The following ANKRD18B variants were observed in gnomAD, a reference collection of about 807,000 sequenced individuals.
The protein encoded by ANKRD18B is ankyrin repeat domain 18B, also known as ankyrin repeat domain-containing protein 18B.
Under a neutral mutation model 111.8 loss-of-function variants are expected in ANKRD18B, and 75 were observed. The observed-to-expected ratio is 0.67, with a 90% CI of 0.56 to 0.81. The LOEUF (loss-of-function observed/expected upper bound fraction) is 0.81, where lower values mean the gene tolerates loss of function less well. Among genes scored for constraint, ANKRD18B ranks in the 40% least tolerant of loss-of-function variants. The pLI is 0.00. For missense variants in ANKRD18B, 1,038 were observed against 1,225.5 expected (o/e 0.85, Z 2.28); for synonymous variants, 356 against 417.3 (o/e 0.85, Z 1.79).
chr9:33,538,246 C>T (rs917884898), intron 6 of ANKRD18B, among the ~76,000 whole-genome samples: 1 of 152,158 alleles, frequency 6.6e-6, no homozygotes, highest in African/African-American at 2.4e-5. Flanking sequence ...AAGATAGCTA[C>T]TGAATGCAGA....
intron 1 of ANKRD18B, among the ~76,000 whole-genome samples, chr9:33,525,170 A>G (rs1448622320): frequency 6.6e-6 from 1 of 152,148 alleles, no homozygotes; most frequent in Admixed American, 6.5e-5. Context: ...TTTTACATAA[A>G]CCGAATGAAA....
chr9:33,559,172 T>C (rs1332198317), intron 14 of ANKRD18B, among the ~76,000 whole-genome samples: 1 of 151,976 alleles, frequency 6.6e-6, no homozygotes, highest in Admixed American at 6.6e-5. Flanking sequence ...TCAGAGAAAA[T>C]AGAGGGTAAA....
intron 6 of ANKRD18B, among the ~76,000 whole-genome samples, chr9:33,538,077 C>G (rs151187957): frequency 0.044 from 6,650 of 152,178 alleles, 186 homozygotes; most frequent in South Asian, 0.068. Flanking sequence ...TCTTGTTGTT[C>G]AAGGGTCAAC....
At chr9:33,538,686 G>T (rs10971555) in intron 6 of ANKRD18B, among the ~76,000 whole-genome samples, 13,726 of 151,772 alleles carry the variant, frequency 0.09, 633 homozygotes, top group South Asian at 0.1. Context: ...CAGTGAACCG[G>T]AATGCACCAC....
At chr9:33,535,840 C>A (rs1828193299) in intron 5 of ANKRD18B, among the ~76,000 whole-genome samples, 1 of 144,038 alleles carries the variant, frequency 6.9e-6, no homozygotes, top group South Asian at 2.2e-4. Flanking sequence ...ATTATATAAT[C>A]TCTTATATTA....
intron 11 of ANKRD18B, among the ~76,000 whole-genome samples, 162 bp downstream of exon 11, chr9:33,549,017 G>A (rs1238144823): frequency 6.6e-6 from 1 of 152,114 alleles, no homozygotes; most frequent in African/African-American, 2.4e-5. Context: ...CATGTATAGG[G>A]ACAGAAAGAT....
chr9:33,569,654 A>G (rs1009997561), intron 17 of ANKRD18B, among the ~76,000 whole-genome samples: 1 of 152,192 alleles, frequency 6.6e-6, no homozygotes, highest in Non-Finnish European at 1.5e-5. Flanking sequence ...CAACATATAG[A>G]TATTTATTAT....
At chr9:33,538,992 AG>A (rs1397126728) in intron 6 of ANKRD18B, among the ~76,000 whole-genome samples, 2 of 152,316 alleles carry the variant, frequency 1.3e-5, no homozygotes, top group East Asian at 3.9e-4. Context: ...TTTTGTCTTT[AG>A]GGTGCTCATA....
rs965142417 is a variant in ANKRD18B at position 33,555,807 on chromosome 9, G to C, written c.2317G>C (p.Glu773Gln). 2 of 1,392,568 alleles carry C rather than the reference G, an allele frequency of 1.4e-6. No homozygotes were observed. The highest frequency in any genetic ancestry group is 9.3e-7 in the Non-Finnish European group (1 of 1,070,416). 86.3% of individuals were successfully genotyped at this position (1,392,568 alleles called of 1,614,324 possible). Residue 773 changes from glutamate to glutamine, a missense_variant, in exon 13 of 19, where the codon GAA (glutamate) becomes CAA (glutamine). Glu to Gln is a conservative substitution (Grantham distance 29). This residue lies in a region of ANKRD18B where 524 missense variants were observed against 677.9 expected (regional missense o/e 0.77). Coordinates refer to ENST00000684830, the MANE Select transcript of ANKRD18B (RefSeq NM_001393611.1). ...AAGAAAGAAAAATCGTGAATTAGAA[G>C]AAGAGGCAACTGGGTATGGTTTTCA... ...QIRKKNRELE[E>Q]EATGYKKCLE...
At chr9:33,558,556 C>A (rs1828561304) in intron 14 of ANKRD18B, among the ~76,000 whole-genome samples, 1 of 152,142 alleles carries the variant, frequency 6.6e-6, no homozygotes, top group African/African-American at 2.4e-5. Flanking sequence ...CATAGTATTC[C>A]ATGATGTATA....
At chr9:33,546,731 C>T (rs964958530) in intron 10 of ANKRD18B, among the ~76,000 whole-genome samples, 8 of 152,180 alleles carry the variant, frequency 5.3e-5, no homozygotes, top group East Asian at 3.9e-4. Flanking sequence ...TTTGGTGCCA[C>T]GAAATGCTAG....
intron 14 of ANKRD18B, among the ~76,000 whole-genome samples, chr9:33,563,143 A>G (rs950182956): frequency 1.3e-4 from 20 of 152,178 alleles, no homozygotes; most frequent in Non-Finnish European, 2.2e-4. Flanking sequence ...CAATAAATTA[A>G]TCTCAACATT....
chr9:33,527,053 A>C (rs978534223), intron 1 of ANKRD18B, among the ~76,000 whole-genome samples: 3 of 152,208 alleles, frequency 2.0e-5, no homozygotes, highest in African/African-American at 7.2e-5. Flanking sequence ...GCAAGATGAG[A>C]GATTTAAAAT....
At chr9:33,535,136 A>G (rs1318067511) in intron 5 of ANKRD18B, among the ~76,000 whole-genome samples, 1 of 151,808 alleles carries the variant, frequency 6.6e-6, no homozygotes, top group African/African-American at 2.4e-5. Context: ...TGTTGTTTCC[A>G]TTGATTCACT....
At chr9:33,546,498 C>T (rs1481287824) in intron 10 of ANKRD18B, among the ~76,000 whole-genome samples, 1 of 152,114 alleles carries the variant, frequency 6.6e-6, no homozygotes, top group African/African-American at 2.4e-5. Context: ...AAAAATTTAG[C>T]ATTTGACTCT....
At chr9:33,557,129 C>T (rs1010060306) in intron 13 of ANKRD18B, among the ~76,000 whole-genome samples, 2 of 152,084 alleles carry the variant, frequency 1.3e-5, no homozygotes, top group Non-Finnish European at 2.9e-5. Flanking sequence ...ATTTTGTTGA[C>T]ATTATGTCAG....
intron 3 of ANKRD18B, among the ~76,000 whole-genome samples, chr9:33,531,632 C>T (rs563041284): frequency 1.5e-4 from 23 of 150,476 alleles, no homozygotes; most frequent in Non-Finnish European, 3.2e-4. Context: ...TAGGTAACCT[C>T]CTTCATCCTT....
At chr9:33,554,921 A>T (rs1828500128) in intron 12 of ANKRD18B, among the ~76,000 whole-genome samples, 1 of 151,446 alleles carries the variant, frequency 6.6e-6, no homozygotes, top group South Asian at 2.1e-4. Flanking sequence ...ATAACTTAGG[A>T]TTACACATGA....
At chr9:33,566,135 T>C in intron 14 of ANKRD18B, 84 bp from the exon 15 acceptor site, 1 of 1,185,480 alleles carries the variant, frequency 8.4e-7, no homozygotes, top group Non-Finnish European at 1.2e-6. Flanking sequence ...TGCAAGTGGA[T>C]GCATTTCAAA....
Sources: allele counts gnomAD v4.1 joint callset (sites outside exome capture counted in the v4.1 genomes callset), GRCh38; gene constraint gnomAD v4.1.1; regional missense constraint gnomAD v4.1.1; transcripts MANE v1.5; gene names NCBI Gene and HGNC (gene_info 2026-07-23, HGNC 2026-07-21).